The following CNTNAP5 variants were observed in gnomAD, a reference collection of about 807,000 sequenced individuals.
CNTNAP5 encodes the protein contactin-associated protein-like 5.
Under a neutral mutation model 150.2 loss-of-function variants are expected in CNTNAP5, and 72 were observed. That is an observed-to-expected ratio of 0.48 (90% CI 0.40 to 0.58). The LOEUF (loss-of-function observed/expected upper bound fraction) is 0.58, where lower values mean the gene tolerates loss of function less well. CNTNAP5 is among the 20% of genes least tolerant of loss of function. CNTNAP5 has a pLI of 0.00. For missense variants in CNTNAP5, 1,636 were observed against 1,626.2 expected (o/e 1.01, Z -0.10); for synonymous variants, 672 against 619.8 (o/e 1.08, Z -1.25).
At chr2:124,698,598 G>A (rs1456798804) in intron 13 of CNTNAP5, among the ~76,000 whole-genome samples, 1 of 152,062 alleles carries the variant, frequency 6.6e-6, no homozygotes, top group African/African-American at 2.4e-5. Context: ...CTGGGCATGA[G>A]GACTCTGGAA....
intron 7 of CNTNAP5, among the ~76,000 whole-genome samples, chr2:124,495,820 C>T (rs2901330): frequency 6.6e-6 from 1 of 152,122 alleles, no homozygotes; most frequent in Admixed American, 6.6e-5. Flanking sequence ...CCCAGCTTCA[C>T]TCTCTTCCCT....
At chr2:124,087,288 T>G (rs763710451) in intron 1 of CNTNAP5, among the ~76,000 whole-genome samples, 5 of 151,920 alleles carry the variant, frequency 3.3e-5, no homozygotes, top group Non-Finnish European at 7.3e-5. Context: ...TTCTACCTTC[T>G]TGATGTTCCA....
chr2:124,374,216 A>G (rs530163631), intron 3 of CNTNAP5, among the ~76,000 whole-genome samples: 31 of 149,460 alleles, frequency 2.1e-4, no homozygotes, highest in Non-Finnish European at 4.1e-4. Context: ...ATTATGGTTA[A>G]TTATTTCTTT....
chr2:124,116,511 G>A (rs980403828), intron 1 of CNTNAP5, among the ~76,000 whole-genome samples: 1 of 152,196 alleles, frequency 6.6e-6, no homozygotes, highest in Non-Finnish European at 1.5e-5. Context: ...CCTGAGGTGA[G>A]CTTCGTTGTT....
intron 1 of CNTNAP5, among the ~76,000 whole-genome samples, chr2:124,215,672 T>A (rs572475863): frequency 6.8e-6 from 1 of 147,536 alleles, no homozygotes; most frequent in Non-Finnish European, 1.5e-5. Flanking sequence ...GTGGGTAGGG[T>A]TTATCTAGGG....
chr2:124,258,857 G>A (rs1687379968), intron 3 of CNTNAP5, among the ~76,000 whole-genome samples: 1 of 141,190 alleles, frequency 7.1e-6, no homozygotes, highest in Non-Finnish European at 1.5e-5. Flanking sequence ...TTAATATCCA[G>A]TAATACTTTT....
At chr2:124,464,715 A>C (rs1217084862) in intron 6 of CNTNAP5, among the ~76,000 whole-genome samples, 1 of 152,164 alleles carries the variant, frequency 6.6e-6, no homozygotes, top group Non-Finnish European at 1.5e-5. Context: ...AAAAATCAGG[A>C]GATTTAACCA....
chr2:124,080,351 C>T (rs770025438), intron 1 of CNTNAP5, among the ~76,000 whole-genome samples: 28 of 152,230 alleles, frequency 1.8e-4, no homozygotes, highest in Middle Eastern at 6.8e-3. Flanking sequence ...CTGTATAAGA[C>T]GGTCTTGTTC....
At chr2:124,839,607 A>C (rs545561014) in intron 19 of CNTNAP5, among the ~76,000 whole-genome samples, 27 of 152,122 alleles carry the variant, frequency 1.8e-4, no homozygotes, top group African/African-American at 5.8e-4. Flanking sequence ...TGAGAGCTGC[A>C]GTTTTTCCTT....
At chr2:124,511,391 T>C (rs1435847088) in intron 8 of CNTNAP5, among the ~76,000 whole-genome samples, 1 of 152,210 alleles carries the variant, frequency 6.6e-6, no homozygotes, top group African/African-American at 2.4e-5. Context: ...GCTTAAGTTT[T>C]TGTTTGTTTG....
chr2:124,707,871 A>C (rs985880757), intron 13 of CNTNAP5, among the ~76,000 whole-genome samples: 1 of 152,222 alleles, frequency 6.6e-6, no homozygotes, highest in Admixed American at 6.5e-5. Flanking sequence ...TATTATTCCA[A>C]TTTGGACATC....
At position 124,410,077 on chromosome 2, in the gene CNTNAP5, C is replaced by A. The variant is rs368368732; in HGVS notation, c.382-7366C>A. On this transcript the variant is annotated intron_variant, in intron 3 of 23. Coordinates refer to ENST00000682447, the MANE Select transcript of CNTNAP5 (RefSeq NM_001367498.1). The stretch of plus-strand genomic sequence containing the variant: ...GAAAACAAAAAAAGGCAGGGGTTGC[C>A]ATCCTAGTCTCTGATAAAATACTTT... Among the ~76,000 whole-genome samples the A allele has an allele frequency of 4.8e-3, 731 of 151,890 alleles. 6 individuals carry two copies. Among genetic ancestry groups the A allele is most frequent in the African/African-American group, 0.016 (645 of 41,416 alleles).
chr2:124,108,582 G>C (rs1180480970), intron 1 of CNTNAP5, among the ~76,000 whole-genome samples: 7 of 152,034 alleles, frequency 4.6e-5, no homozygotes, highest in African/African-American at 1.7e-4. Flanking sequence ...AGAAAAGGAA[G>C]GTAAAATGCC....
intron 11 of CNTNAP5, among the ~76,000 whole-genome samples, chr2:124,592,724 C>T (rs1389760530): frequency 1.3e-5 from 2 of 151,234 alleles, no homozygotes; most frequent in African/African-American, 4.9e-5. Flanking sequence ...CGTCAGACAT[C>T]TTTTATGTGT....
chr2:124,383,007 C>CA (rs1480146645), intron 3 of CNTNAP5, among the ~76,000 whole-genome samples: 1 of 152,064 alleles, frequency 6.6e-6, no homozygotes, highest in African/African-American at 2.4e-5. Flanking sequence ...TAAACTCCTA[C>CA]AAACCCGCTG....
chr2:124,298,624 A>G (rs1399517696), intron 3 of CNTNAP5, among the ~76,000 whole-genome samples: 1 of 152,164 alleles, frequency 6.6e-6, no homozygotes. Flanking sequence ...GTCTCCTGCT[A>G]AATCATGAAG....
intron 11 of CNTNAP5, among the ~76,000 whole-genome samples, chr2:124,601,965 C>T (rs571195508): frequency 9.2e-5 from 14 of 152,250 alleles, no homozygotes; most frequent in East Asian, 5.8e-4. Context: ...TGTAACCAGA[C>T]GGGTAGCTCA....
intron 7 of CNTNAP5, among the ~76,000 whole-genome samples, chr2:124,485,340 A>G (rs926911245): frequency 2.0e-5 from 3 of 152,110 alleles, no homozygotes; most frequent in Admixed American, 6.5e-5. Context: ...CCGGCCGGGC[A>G]CGGTGGCTCA....
intron 10 of CNTNAP5, among the ~76,000 whole-genome samples, chr2:124,529,065 T>G (rs1695044837): frequency 6.6e-6 from 1 of 152,058 alleles, no homozygotes; most frequent in Admixed American, 6.6e-5. Context: ...TTTGTTTTTT[T>G]TTTTTTTCTA....
Sources: gnomAD v4.1 joint callset for allele counts (sites outside exome capture counted in the v4.1 genomes callset) on GRCh38, gnomAD v4.1.1 for gene constraint, MANE v1.5 for transcripts, NCBI Gene and HGNC (gene_info 2026-07-23, HGNC 2026-07-21) for gene names.